LRRC37A2: variants seen among roughly 807,000 people sequenced by gnomAD.
LRRC37A2 encodes the protein leucine-rich repeat-containing protein 37A2.
In LRRC37A2, 9 loss-of-function variants were observed where a neutral mutation model predicts 68.8. The ratio of observed to expected loss-of-function variants is 0.13; its 90% CI spans 0.08 to 0.23. LRRC37A2 has a LOEUF of 0.23. Among genes scored for constraint, LRRC37A2 ranks in the 10% least tolerant of loss-of-function variants. The pLI is 1.00. For missense variants in LRRC37A2, 168 were observed against 950.4 expected (o/e 0.18, Z 10.82); for synonymous variants, 63 against 367.6 (o/e 0.17, Z 9.48).
At chr17:46,928,622 T>C in the LRRC37A2 span, among the ~76,000 whole-genome samples, 1 of 152,102 alleles carries the variant, frequency 6.6e-6, no homozygotes, top group Admixed American at 6.5e-5. Flanking sequence ...CCAAATGAGA[T>C]GGCAGTTCCT....
At chr17:46,770,342 C>T in the LRRC37A2 span, among the ~76,000 whole-genome samples, 7 of 152,356 alleles carry the variant, frequency 4.6e-5, no homozygotes, top group African/African-American at 1.7e-4. Flanking sequence ...GACACCAAAC[C>T]TCTGGCAGGT....
chr17:46,973,749 T>C, the LRRC37A2 span, among the ~76,000 whole-genome samples: 1 of 152,016 alleles, frequency 6.6e-6, no homozygotes, highest in African/African-American at 2.4e-5. Context: ...GACAAGAATC[T>C]GCACTCAAGA....
chr17:46,392,427 TTCTC>T, the LRRC37A2 span, among the ~76,000 whole-genome samples: 6,277 of 50,258 alleles, frequency 0.12, 153 homozygotes, highest in Non-Finnish European at 0.18. Context: ...CTCTCTTTCT[TTCTC>T]TCTTTCTTTC....
At chr17:46,817,581 G>C in the LRRC37A2 span, among the ~76,000 whole-genome samples, 1 of 152,090 alleles carries the variant, frequency 6.6e-6, no homozygotes, top group Non-Finnish European at 1.5e-5. Context: ...TCCTGGAGCT[G>C]GGGCTCCCAA....
At chr17:46,883,924 TC>T in the LRRC37A2 span, among the ~76,000 whole-genome samples, 6 of 152,042 alleles carry the variant, frequency 3.9e-5, no homozygotes, top group Admixed American at 3.9e-4. Flanking sequence ...CCCATATTCC[TC>T]CCTGGCTCTC....
At chr17:46,534,931 G>C (rs2054407238) in intron 6 of LRRC37A2, among the ~76,000 whole-genome samples, 1 of 149,842 alleles carries the variant, frequency 6.7e-6, no homozygotes, top group South Asian at 2.1e-4. Context: ...TCTCAGATGG[G>C]GCGGCTGCCA....
chr17:46,935,296 C>T, the LRRC37A2 span: 1 of 1,563,294 alleles, frequency 6.4e-7, no homozygotes, highest in East Asian at 2.3e-5. Context: ...AGACAGAGCC[C>T]TTGAGTTTGG....
chr17:46,980,223 A>G, the LRRC37A2 span, among the ~76,000 whole-genome samples: 1 of 151,738 alleles, frequency 6.6e-6, no homozygotes, highest in African/African-American at 2.4e-5. Flanking sequence ...GAGCTACAAC[A>G]TCATTTTTAG....
At chr17:47,028,771 G>A in the LRRC37A2 span, among the ~76,000 whole-genome samples, 4 of 151,278 alleles carry the variant, frequency 2.6e-5, no homozygotes, top group South Asian at 2.1e-4. Flanking sequence ...TTAGCTGGGC[G>A]TGGTGGTGCA....
At chr17:46,783,108 G>T in the LRRC37A2 span, among the ~76,000 whole-genome samples, 1 of 152,176 alleles carries the variant, frequency 6.6e-6, no homozygotes, top group Non-Finnish European at 1.5e-5. Context: ...CCTCTGGCTC[G>T]CCTGCATCTC....
At chr17:46,940,604 G>T in the LRRC37A2 span, 7 of 1,614,146 alleles carry the variant, frequency 4.3e-6, no homozygotes, top group Non-Finnish European at 5.9e-6. Flanking sequence ...GGTCTGCAGG[G>T]AGCAGCTGAG....
At chr17:46,938,720 C>T in the LRRC37A2 span, 2 of 1,613,950 alleles carry the variant, frequency 1.2e-6, no homozygotes, top group Non-Finnish European at 1.7e-6. Flanking sequence ...ATGCTGCTGA[C>T]CTGTGTGGTC....
the LRRC37A2 span, among the ~76,000 whole-genome samples, chr17:46,498,923 A>T: frequency 6.6e-6 from 1 of 150,824 alleles, no homozygotes; most frequent in African/African-American, 2.5e-5. Flanking sequence ...ATGTATATAC[A>T]TGTAGAGGTA....
the LRRC37A2 span, chr17:46,876,282 A>G: frequency 6.2e-7 from 1 of 1,613,834 alleles, no homozygotes; most frequent in Non-Finnish European, 8.5e-7. Flanking sequence ...TGTAAGTGCC[A>G]TGGCGTATCA....
At chr17:46,795,212 A>T in the LRRC37A2 span, among the ~76,000 whole-genome samples, 1 of 151,728 alleles carries the variant, frequency 6.6e-6, no homozygotes, top group African/African-American at 2.4e-5. Context: ...TCCCCCATAA[A>T]CACCCTCTGG....
chr17:46,881,995 T>C, the LRRC37A2 span, among the ~76,000 whole-genome samples: 1 of 152,142 alleles, frequency 6.6e-6, no homozygotes, highest in Non-Finnish European at 1.5e-5. Context: ...AAATGTCCTT[T>C]ATAACATTAT....
the LRRC37A2 span, among the ~76,000 whole-genome samples, chr17:47,020,590 T>A: frequency 6.7e-6 from 1 of 150,016 alleles, no homozygotes; most frequent in African/African-American, 2.5e-5. Context: ...CCATCCTGGC[T>A]AACATGGTGA....
the LRRC37A2 span, among the ~76,000 whole-genome samples, chr17:46,865,246 T>C: frequency 6.6e-6 from 1 of 152,236 alleles, no homozygotes; most frequent in Non-Finnish European, 1.5e-5. Flanking sequence ...ATGCAAAGCA[T>C]GCTTGCTGTG....
At chr17:47,044,587 G>A in the LRRC37A2 span, among the ~76,000 whole-genome samples, 5 of 151,406 alleles carry the variant, frequency 3.3e-5, no homozygotes, top group African/African-American at 9.7e-5. Flanking sequence ...AAGCAAATGT[G>A]GCAAAGTATT....
Sources: allele counts gnomAD v4.1 joint callset (sites outside exome capture counted in the v4.1 genomes callset), GRCh38; gene constraint gnomAD v4.1.1; transcripts MANE v1.5; gene names NCBI Gene and HGNC (gene_info 2026-07-23, HGNC 2026-07-21).